Variants in LTN1 observed in about 807,000 individuals in gnomAD.
LTN1 encodes the protein E3 ubiquitin-protein ligase listerin.
LTN1 carries 88 observed loss-of-function variants against 201.2 expected under a neutral mutation model. The observed-to-expected ratio is 0.44, with a 90% CI of 0.37 to 0.52. LTN1 has a LOEUF of 0.52. Ranked by LOEUF, LTN1 falls within the 20% of genes least tolerant of loss-of-function variation. The pLI is 0.00. For synonymous variants in LTN1, 645 were observed against 713.5 expected, an observed-to-expected ratio of 0.90 and a Z score of 1.53; for missense variants, 1,752 against 2,038.7, an observed-to-expected ratio of 0.86 and a Z score of 2.71.
At position 28,936,062 on chromosome 21, in the gene LTN1, C is replaced by T. The variant is rs146490366; in HGVS notation, c.4654+464G>A. Among the ~76,000 whole-genome samples, 93 of 152,224 alleles carry T rather than the reference C, an allele frequency of 6.1e-4. 2 individuals carry two copies. In the East Asian group the frequency reaches 0.015, roughly 24 times the overall value. On this transcript the variant is annotated intron_variant, in intron 26 of 29. Transcript: ENST00000361371. ...ACTGCTGTGCAGAAGTCTTGGAATA[C>T]CCAACTCAATACTCACAAGATGCAG...
At chr21:28,933,272 C>T in intron 27 of LTN1, among the ~76,000 whole-genome samples, 1 of 152,150 alleles carries the variant, frequency 6.6e-6, no homozygotes, top group East Asian at 1.9e-4. Context: ...CACAAAATCT[C>T]TCACATCCCT....
intron 16 of LTN1, among the ~76,000 whole-genome samples, chr21:28,955,800 G>A (rs2084420044): frequency 1.3e-5 from 2 of 151,648 alleles, no homozygotes. Context: ...GTGTGCGCCT[G>A]TAGTCCCATC....
intron 25 of LTN1, among the ~76,000 whole-genome samples, chr21:28,940,569 C>T (rs2084289405): frequency 1.3e-5 from 2 of 149,308 alleles, no homozygotes; most frequent in South Asian, 2.1e-4. Context: ...TGACTCCCTC[C>T]GAAAAAAAAA....
chr21:28,932,729 T>TAGGTTGACTATTAAAAGCTAAA, intron 27 of LTN1, 65 bp from the exon 28 acceptor site: 1 of 1,082,326 alleles, frequency 9.2e-7, no homozygotes, highest in Admixed American at 2.0e-5. Flanking sequence ...AACATTTTGA[T>TAGGTTGACTATTAAAAGCTAAA]AGGTTGACTA....
rs1321607075 is a variant in LTN1 at position 28,986,822 on chromosome 21, T to C, written c.155A>G (p.Gln52Arg). 6.2e-7 allele frequency: 1 copy of C among 1,613,770 alleles called. No individual in the cohort carries two copies. Residue 52 changes from glutamine to arginine, a missense_variant, in exon 2 of 30, where the codon CAA (glutamine) becomes CGA (arginine). Around this residue, in one of 3 missense-constraint regions of LTN1, gnomAD observed 280 missense variants for 375.7 expected, o/e 0.75. Transcript: ENST00000361371. This position sits in a 1 kb window ranked among gnomAD's most constrained non-coding sequence, Gnocchi z 4.1. ...AAGACTGTCAATTTCTTCAGCTCCT[T>C]GAATAGCAGGAACATAGCCTAGGTC... Reference protein sequence around the residue: ...QSDLGYVPAIQGAEEIDSLVD... With the variant: ...QSDLGYVPAIRGAEEIDSLVD...
At chr21:28,985,763 C>T (rs959153946) in intron 3 of LTN1, among the ~76,000 whole-genome samples, 3 of 151,544 alleles carry the variant, frequency 2.0e-5, no homozygotes, top group African/African-American at 7.3e-5. Flanking sequence ...CGGGTTCAAG[C>T]GATTTTCCTG....
rs762825485 is a variant in LTN1, at chr21:28,958,500, C to T, written c.2633G>A (p.Gly878Asp). Residue 878 changes from glycine (G) to aspartate (D), a missense_variant, in exon 14 of 30, where the codon GGT becomes GAT. Physicochemically the swap from Gly to Asp is moderately conservative, Grantham distance 94. Transcript: ENST00000361371. ...ICKLKNTWLS[G>D]VNLLVHQTDS... ...AGTTTGATGAACCAATAAATTTACA[C>T]CAGAGAGCCAAGTATTTTTCAGTTT... is the stretch of plus-strand genomic sequence containing the variant. 5 of 1,608,438 alleles carry T rather than the reference C, an allele frequency of 3.1e-6. No individual in the cohort carries two copies. The highest frequency in any genetic ancestry group is 4.2e-6 in the Non-Finnish European group (5 of 1,177,818).
chr21:28,958,580 AT>A, intron 13 of LTN1, 41 bp from the exon 14 acceptor site: 1 of 1,421,804 alleles, frequency 7.0e-7, no homozygotes, highest in African/African-American at 1.5e-5. Flanking sequence ...ATCTCACTGA[AT>A]TAACTCTCAT....
At chr21:28,950,415 G>A (rs1341410974) in intron 18 of LTN1, among the ~76,000 whole-genome samples, 3 of 152,040 alleles carry the variant, frequency 2.0e-5, no homozygotes, top group Non-Finnish European at 4.4e-5. Flanking sequence ...TAGTTCTTTA[G>A]CTAATTCCGT....
intron 16 of LTN1, among the ~76,000 whole-genome samples, chr21:28,955,185 T>C (rs2084414342): frequency 6.6e-6 from 1 of 151,848 alleles, no homozygotes; most frequent in Non-Finnish European, 1.5e-5. Context: ...AGGTAAGAAA[T>C]AAGCTGGGAA....
At chr21:28,959,863 A>G (rs1419693349) in intron 12 of LTN1, 166 bp from the exon 13 acceptor site, 2 of 585,484 alleles carry the variant, frequency 3.4e-6, no homozygotes, top group Non-Finnish European at 2.9e-6. Context: ...AAAGGCCCTC[A>G]AGTAAAAAAG....
intron 6 of LTN1, among the ~76,000 whole-genome samples, chr21:28,978,261 G>A (rs1390299995): frequency 6.6e-6 from 1 of 152,034 alleles, no homozygotes; most frequent in Non-Finnish European, 1.5e-5. Flanking sequence ...GGAACTCATG[G>A]GCTCAAGTGA....
Position 28,935,257 on chromosome 21 carries a change from G to A in LTN1, c.4727C>T (p.Pro1576Leu). 1 of 1,614,012 alleles carries A rather than the reference G, an allele frequency of 6.2e-7. No homozygotes were observed. Among genetic ancestry groups the A allele is most frequent in the Non-Finnish European group, 8.5e-7 (1 of 1,179,900 alleles). ...SVYHMTLKDL[P>L]AMVRLWWNSS... ...ATTCCACCACAACCTAACCATGGCA[G>A]GCAAGTCTTTTAATGTCATATGATA... Residue 1576 changes from proline (P) to leucine (L), a missense_variant, in exon 27 of 30, where the codon CCT (proline) becomes CTT (leucine). Physicochemically the swap from Pro to Leu is moderately conservative, Grantham distance 98 (BLOSUM62 -3). This residue lies in a region of LTN1 where 261 missense variants were observed against 350.1 expected (regional missense o/e 0.75). Coordinates refer to ENST00000361371, the MANE Select transcript of LTN1 (RefSeq NM_015565.3).
At chr21:28,984,487 T>C (rs2084682072) in intron 4 of LTN1, among the ~76,000 whole-genome samples, 1 of 152,140 alleles carries the variant, frequency 6.6e-6, no homozygotes, top group Non-Finnish European at 1.5e-5. Context: ...TTAAATACTG[T>C]AGAAAGATCC....
intron 3 of LTN1, 80 bp from the exon 4 acceptor site, chr21:28,985,002 A>C: frequency 3.2e-6 from 3 of 930,352 alleles, no homozygotes; most frequent in Non-Finnish European, 4.9e-6. Flanking sequence ...TGCTATAATG[A>C]CCCATTACCA....
intron 25 of LTN1, among the ~76,000 whole-genome samples, chr21:28,940,519 A>T (rs564151601): frequency 1.3e-5 from 2 of 152,164 alleles, no homozygotes; most frequent in Non-Finnish European, 2.9e-5. Context: ...TAAATTTCCA[A>T]TGATGTATTA....
chr21:28,944,278 A>T, intron 22 of LTN1, 105 bp downstream of exon 22: 2 of 804,514 alleles, frequency 2.5e-6, no homozygotes, highest in Non-Finnish European at 4.0e-6. Context: ...TTTTTCTTTT[A>T]CTATTTAGTA....
intron 28 of LTN1, 94 bp downstream of exon 28, chr21:28,932,376 T>C: frequency 9.8e-7 from 1 of 1,019,506 alleles, no homozygotes; most frequent in South Asian, 1.4e-5. Context: ...TACTTTTATC[T>C]TAAGCAGAAA....
In LTN1 at chr21:28,946,261, T is replaced by C; in HGVS notation, c.3514A>G (p.Asn1172Asp). 6.3e-7 allele frequency: 1 copy of C among 1,579,170 alleles called. No homozygotes were observed. The highest frequency in any genetic ancestry group is 8.6e-7 in the Non-Finnish European group (1 of 1,168,488). The stretch of plus-strand genomic sequence containing the variant: ...ATACTTTTGGTTTGCAGACAAGAAT[T>C]GAAAATGGCAAGATGTCCAAAACCT... ...NGGFGHLAIF[N>D]SCLQTKSIDD... The change falls in exon 20 of 30, where the codon AAT becomes GAT. Residue 1172 changes from asparagine (N) to aspartate (D), a missense_variant. Asn to Asp is a conservative substitution (Grantham distance 23). This residue lies in a region of LTN1 where 1,211 missense variants were observed against 1,312.8 expected (regional missense o/e 0.92). Transcript: ENST00000361371.
Sources: allele counts gnomAD v4.1 joint callset (sites outside exome capture counted in the v4.1 genomes callset), GRCh38; gene constraint gnomAD v4.1.1; regional missense constraint gnomAD v4.1.1; non-coding constraint Gnocchi (gnomAD v3.1); transcripts MANE v1.5; gene names NCBI Gene and HGNC (gene_info 2026-07-23, HGNC 2026-07-21).